The following TBCA variants were observed in gnomAD, a reference collection of about 807,000 sequenced individuals.
TBCA encodes the protein tubulin folding cofactor A.
In TBCA, 6 loss-of-function variants were observed where a neutral mutation model predicts 15.8. The ratio of observed to expected loss-of-function variants is 0.38; its 90% CI spans 0.21 to 0.75. TBCA has a LOEUF of 0.75. TBCA is among the 30% of genes least tolerant of loss of function. The probability of loss-of-function intolerance (pLI) is 0.46; values close to 1 mark genes in which losing one functional copy is unlikely to be tolerated. For synonymous variants in TBCA, 32 were observed against 42.3 expected, an observed-to-expected ratio of 0.76 and a Z score of 0.94; for missense variants, 90 against 131.2, an observed-to-expected ratio of 0.69 and a Z score of 1.53.
At chr5:77,744,909 C>T (rs1747147651) in intron 1 of TBCA, among the ~76,000 whole-genome samples, 1 of 152,190 alleles carries the variant, frequency 6.6e-6, no homozygotes, top group South Asian at 2.1e-4. Context: ...ATAGCCAGTA[C>T]ACTGGTGTTA....
rs201720489 is a variant in TBCA, at chr5:77,708,275, A to G, written c.126T>C (p.Ala42=). The G allele has an allele frequency of 9.3e-6, 15 of 1,611,028 alleles. No homozygotes were observed. The Admixed American group carries it at 1.5e-4, about 16-fold the overall frequency. The change falls in exon 2 of 4, where the codon GCT becomes GCC. Residue 42 remains alanine (A), a synonymous_variant. Transcript: ENST00000380377. ...TAATGTCATAATTTTCACCGTCTTC[A>G]GCTCTCATTTTTTCAATCTTTTCTT... is the stretch of plus-strand genomic sequence containing the variant. ...QQEEKIEKMR[A]EDGENYDIKK... is the part of the protein sequence containing the mutation.
intron 1 of TBCA, among the ~76,000 whole-genome samples, chr5:77,751,305 G>A (rs988372929): frequency 6.6e-6 from 1 of 151,690 alleles, no homozygotes; most frequent in African/African-American, 2.4e-5. Context: ...GGGATTATAG[G>A]CGCCCACCAC....
At chr5:77,729,604 A>C (rs1395018104) in intron 1 of TBCA, among the ~76,000 whole-genome samples, 1 of 152,166 alleles carries the variant, frequency 6.6e-6, no homozygotes, top group Non-Finnish European at 1.5e-5. Context: ...TTGCTTTTGG[A>C]AGAAAAAAAG....
intron 1 of TBCA, among the ~76,000 whole-genome samples, chr5:77,729,249 G>T (rs1293449386): frequency 1.3e-5 from 2 of 152,046 alleles, no homozygotes; most frequent in African/African-American, 4.8e-5. Context: ...GGGAGGAAGA[G>T]GTTGCAGTGA....
intron 1 of TBCA, among the ~76,000 whole-genome samples, chr5:77,775,529 T>C (rs1748000185): frequency 6.6e-6 from 1 of 152,158 alleles, no homozygotes; most frequent in African/African-American, 2.4e-5. Flanking sequence ...CTTGGCAAAA[T>C]AAACATTCCA....
chr5:77,769,243 T>C (rs1036792984), intron 1 of TBCA, among the ~76,000 whole-genome samples: 2 of 152,200 alleles, frequency 1.3e-5, no homozygotes, highest in Admixed American at 1.3e-4. Context: ...CTAAAGGAAC[T>C]AGCTAAATTT....
chr5:77,743,844 G>A (rs1747106287), intron 1 of TBCA, among the ~76,000 whole-genome samples: 1 of 152,074 alleles, frequency 6.6e-6, no homozygotes, highest in Non-Finnish European at 1.5e-5. Flanking sequence ...AGTTGTGCCA[G>A]GTACCATCGT....
chr5:77,732,722 T>C (rs961752420), intron 1 of TBCA, among the ~76,000 whole-genome samples: 3 of 152,172 alleles, frequency 2.0e-5, no homozygotes, highest in African/African-American at 7.2e-5. Flanking sequence ...TTACGGTGAT[T>C]TGTGATCACT....
At chr5:77,725,013 T>C (rs145625758) in intron 1 of TBCA, among the ~76,000 whole-genome samples, 16 of 152,326 alleles carry the variant, frequency 1.1e-4, no homozygotes, top group African/African-American at 3.8e-4. Context: ...CTTTTCTTTC[T>C]TCCATAAGCT....
chr5:77,720,516 C>A (rs1746507878), intron 1 of TBCA, among the ~76,000 whole-genome samples: 1 of 151,988 alleles, frequency 6.6e-6, no homozygotes, highest in Non-Finnish European at 1.5e-5. Flanking sequence ...GAGTTCAAGA[C>A]CAGCTTGGCC....
chr5:77,775,873 G>T (rs1434690717), intron 1 of TBCA, among the ~76,000 whole-genome samples: 2 of 152,046 alleles, frequency 1.3e-5, no homozygotes, highest in Non-Finnish European at 2.9e-5. Context: ...GCACACAGGA[G>T]GCACGGGATC....
chr5:77,731,906 CAG>C lies in TBCA; in HGVS notation c.54-23561_54-23560del, dbSNP rs138230240. Among the ~76,000 whole-genome samples, 749 of 152,210 alleles carry C rather than the reference CAG, an allele frequency of 4.9e-3. 34 individuals are homozygous for C. In the East Asian group the frequency reaches 0.13, roughly 26 times the overall value. ...AAAAGATATGAGAGGCAATTTCTAG[CAG>C]AGTTTCACTGATTTAATATTCAGGG... On this transcript the variant is annotated intron_variant, in intron 1 of 3. Coordinates refer to ENST00000380377, the MANE Select transcript of TBCA (RefSeq NM_004607.3).
intron 1 of TBCA, among the ~76,000 whole-genome samples, chr5:77,727,306 C>G (rs1746651342): frequency 6.7e-6 from 1 of 149,478 alleles, no homozygotes; most frequent in Non-Finnish European, 1.5e-5. Context: ...GATTTAGTAT[C>G]AGAGCTACAA....
At chr5:77,750,046 G>A (rs1747281054) in intron 1 of TBCA, among the ~76,000 whole-genome samples, 2 of 151,756 alleles carry the variant, frequency 1.3e-5, no homozygotes, top group African/African-American at 2.4e-5. Flanking sequence ...TTCGCTCCAG[G>A]AGGGTTTCTC....
intron 1 of TBCA, among the ~76,000 whole-genome samples, chr5:77,710,064 C>A (rs560979490): frequency 6.6e-6 from 1 of 152,114 alleles, no homozygotes; most frequent in Admixed American, 6.5e-5. Flanking sequence ...GGGTAAGAAA[C>A]ATGTTCTAAA....
At chr5:77,699,000 C>A (rs1257321145) in intron 2 of TBCA, among the ~76,000 whole-genome samples, 6 of 34,094 alleles carry the variant, frequency 1.8e-4, no homozygotes, top group South Asian at 8.2e-4. Context: ...ATGTGGAAAC[C>A]AAAACTAAAA....
intron 2 of TBCA, among the ~76,000 whole-genome samples, chr5:77,701,509 AAGT>A (rs569313979): frequency 4.4e-4 from 67 of 151,654 alleles, no homozygotes; most frequent in Non-Finnish European, 1.6e-4. Context: ...AAAGAACTAA[AAGT>A]AGGACTACCA....
At chr5:77,745,779 T>C (rs767072063) in intron 1 of TBCA, among the ~76,000 whole-genome samples, 2 of 152,214 alleles carry the variant, frequency 1.3e-5, no homozygotes, top group Non-Finnish European at 2.9e-5. Context: ...AAATTTATCA[T>C]AGTCTAGATT....
intron 3 of TBCA, 189 bp downstream of exon 3, chr5:77,693,077 C>T (rs1426903344): frequency 2.1e-6 from 3 of 1,454,568 alleles, no homozygotes; most frequent in African/African-American, 1.4e-5. Context: ...GAAAACAGTA[C>T]TTTTACTGGA....
Sources: allele counts gnomAD v4.1 joint callset (sites outside exome capture counted in the v4.1 genomes callset), GRCh38; gene constraint gnomAD v4.1.1; transcripts MANE v1.5; gene names NCBI Gene and HGNC (gene_info 2026-07-23, HGNC 2026-07-21).